The following ASIC2 variants were observed in gnomAD, a reference collection of about 807,000 sequenced individuals.
The protein encoded by ASIC2 is acid-sensing ion channel 2.
ASIC2 carries 25 observed loss-of-function variants against 57.3 expected under a neutral mutation model. That is an observed-to-expected ratio of 0.44 (90% CI 0.32 to 0.61). The LOEUF is 0.61. ASIC2 is among the 20% of genes least tolerant of loss of function. ASIC2 has a pLI of 0.06. For synonymous variants in ASIC2, 319 were observed against 307.5 expected, an observed-to-expected ratio of 1.04 and a Z score of -0.39; for missense variants, 641 against 738.1, an observed-to-expected ratio of 0.87 and a Z score of 1.52.
chr17:33,213,556 G>C (rs1347113546), intron 1 of ASIC2, among the ~76,000 whole-genome samples: 4 of 152,194 alleles, frequency 2.6e-5, no homozygotes, highest in African/African-American at 9.7e-5. Context: ...CATGACCTAG[G>C]TTCCTGATAG....
chr17:34,146,372 C>T (rs1912417079), intron 1 of ASIC2, among the ~76,000 whole-genome samples: 1 of 152,146 alleles, frequency 6.6e-6, no homozygotes, highest in South Asian at 2.1e-4. Flanking sequence ...CTAATCAATA[C>T]ACAGGTTGGG....
chr17:33,518,782 C>A (rs1211171553), intron 1 of ASIC2, among the ~76,000 whole-genome samples: 1 of 151,444 alleles, frequency 6.6e-6, no homozygotes, highest in East Asian at 1.9e-4. Context: ...GCTTTGGACA[C>A]ATTAACTGAT....
In ASIC2 at chr17:33,278,412, C is replaced by T. The variant is rs529780675; in HGVS notation, c.708+12996G>A. ...TCTGTAGTCCCAGCTACTTGAGAGG[C>T]TGAGGCAGGAGGATCACCTGAGCTG... On this transcript the variant is annotated intron_variant, in intron 1 of 9. Coordinates refer to ENST00000225823, the MANE Select transcript of ASIC2 (RefSeq NM_183377.2). 2.6e-5 allele frequency among the ~76,000 whole-genome samples: 4 copies of T among 151,880 alleles called. No homozygotes were observed. In the South Asian group the frequency reaches 8.3e-4, roughly 32 times the overall value.
chr17:33,713,189 T>A (rs1909108534), intron 1 of ASIC2, among the ~76,000 whole-genome samples: 1 of 152,226 alleles, frequency 6.6e-6, no homozygotes, highest in African/African-American at 2.4e-5. Context: ...AAGTTGTGAA[T>A]ACCAGGAGGC....
chr17:33,184,998 A>G (rs1032355844), intron 1 of ASIC2, among the ~76,000 whole-genome samples: 1 of 152,160 alleles, frequency 6.6e-6, no homozygotes, highest in Non-Finnish European at 1.5e-5. Flanking sequence ...GAGAGCATTA[A>G]TGAAAGAGAG....
chr17:33,574,851 A>ATTTTT (rs10699380), intron 1 of ASIC2, among the ~76,000 whole-genome samples: 1 of 143,064 alleles, frequency 7.0e-6, no homozygotes, highest in African/African-American at 2.5e-5. Flanking sequence ...CTCTGTTTCT[A>ATTTTT]TTTTTTTTTT....
chr17:33,401,508 C>T (rs568593851), intron 1 of ASIC2, among the ~76,000 whole-genome samples: 43 of 152,296 alleles, frequency 2.8e-4, no homozygotes, highest in Admixed American at 5.2e-4. Flanking sequence ...ATGCCTCCAT[C>T]GCTTGGCTGC....
intron 1 of ASIC2, among the ~76,000 whole-genome samples, chr17:33,508,886 T>C (rs1238063011): frequency 1.3e-5 from 2 of 152,158 alleles, no homozygotes; most frequent in Admixed American, 1.3e-4. Context: ...GGGTGACCTC[T>C]TACTTCTGAG....
intron 1 of ASIC2, chr17:34,000,833 C>A (rs1164502752): frequency 6.6e-6 from 1 of 152,224 alleles, no homozygotes; most frequent in East Asian, 1.9e-4. Context: ...CTCACTAAAT[C>A]TGCTTGATTG....
In ASIC2 at chr17:33,292,182, C is replaced by T; in HGVS notation, c.-67G>A. 11 of 1,013,978 alleles carry T rather than the reference C, an allele frequency of 1.1e-5. No individual in the cohort carries two copies. Among genetic ancestry groups the T allele is most frequent in the Non-Finnish European group, 1.3e-5 (11 of 850,852 alleles). The allele number at this position is 1,013,978 out of a possible 1,614,324, so 62.8% of individuals were successfully genotyped here. On this transcript the variant is annotated 5_prime_UTR_variant, in exon 1 of 10. Coordinates refer to ENST00000225823, the MANE Select transcript of ASIC2 (RefSeq NM_183377.2). ...CGGGCGGAGCCGCCATGGGAGTCCG[C>T]AGCAGCAGTGGAAGCAGCAGCAGCG...
At chr17:33,233,797 T>C (rs113759744) in intron 1 of ASIC2, among the ~76,000 whole-genome samples, 90 of 151,966 alleles carry the variant, frequency 5.9e-4, no homozygotes, top group African/African-American at 2.1e-3. Context: ...CACAGACACA[T>C]AAACAGACAC....
intron 1 of ASIC2, among the ~76,000 whole-genome samples, chr17:34,048,124 A>ATGGATAT (rs1168642920): frequency 6.6e-6 from 1 of 152,120 alleles, no homozygotes; most frequent in African/African-American, 2.4e-5. Flanking sequence ...ACTTTGATTT[A>ATGGATAT]TGGATATTTC....
rs79783444 is a variant in ASIC2, at chr17:33,923,761, A to G, written c.555+232217T>C. Among the ~76,000 whole-genome samples the G allele has an allele frequency of 6.6e-3, 1,010 of 152,286 alleles. 17 individuals carry two copies. The highest frequency in any genetic ancestry group is 0.022 in the African/African-American group (930 of 41,560). On this transcript the variant is annotated intron_variant, in intron 1 of 9. Coordinates refer to the ASIC2 transcript ENST00000359872. Reference sequence around the variant, plus strand: ...GTGTAAAAATGCTCTTAAGCCACCAATGAGGTGTGAGTTAGGGCAGAAAGA... The same window carrying G: ...GTGTAAAAATGCTCTTAAGCCACCAGTGAGGTGTGAGTTAGGGCAGAAAGA...
chr17:33,165,708 G>C (rs1486739184), intron 1 of ASIC2, among the ~76,000 whole-genome samples: 1 of 152,084 alleles, frequency 6.6e-6, no homozygotes, highest in African/African-American at 2.4e-5. Context: ...ATAGTAACAA[G>C]GACATAGCTA....
intron 1 of ASIC2, among the ~76,000 whole-genome samples, chr17:33,628,192 G>A (rs1463531749): frequency 1.3e-5 from 2 of 152,114 alleles, no homozygotes; most frequent in Non-Finnish European, 2.9e-5. Flanking sequence ...CCCCTTCTAT[G>A]GGGACCTAGT....
At chr17:33,764,797 AG>A (rs890288726) in intron 1 of ASIC2, among the ~76,000 whole-genome samples, 1 of 152,100 alleles carries the variant, frequency 6.6e-6, no homozygotes, top group African/African-American at 2.4e-5. Context: ...TGAACTTTGG[AG>A]GGGACATTCG....
chr17:33,251,265 A>G (rs1310924020), intron 1 of ASIC2, among the ~76,000 whole-genome samples: 2 of 152,338 alleles, frequency 1.3e-5, no homozygotes, highest in East Asian at 1.9e-4. Flanking sequence ...TTGTTGTTCA[A>G]TAGGGCAGGA....
At chr17:33,158,294 A>G (rs753112134) in intron 1 of ASIC2, among the ~76,000 whole-genome samples, 7 of 152,044 alleles carry the variant, frequency 4.6e-5, no homozygotes, top group Non-Finnish European at 7.4e-5. Context: ...TGAATGAATG[A>G]ATGAATGAGT....
rs180694635 is a variant in ASIC2, at chr17:33,148,950, T to C, written c.709-36883A>G. On this transcript the variant is annotated intron_variant, in intron 1 of 9. Coordinates refer to ENST00000225823, the MANE Select transcript of ASIC2 (RefSeq NM_183377.2). ...CTCTACTAAAAATACAAAAATTAGCTGGGCATGATGGCAGGCACGTGTAGT... is the reference window on the plus strand; with the variant it reads ...CTCTACTAAAAATACAAAAATTAGCCGGGCATGATGGCAGGCACGTGTAGT... 4.7e-3 allele frequency among the ~76,000 whole-genome samples: 716 copies of C among 152,088 alleles called. 6 individuals are homozygous for C. Among genetic ancestry groups the C allele is most frequent in the African/African-American group, 0.016 (681 of 41,504 alleles).
Sources: gnomAD v4.1 joint callset for allele counts (sites outside exome capture counted in the v4.1 genomes callset) on GRCh38, gnomAD v4.1.1 for gene constraint, MANE v1.5 for transcripts, NCBI Gene and HGNC (gene_info 2026-07-23, HGNC 2026-07-21) for gene names.